Variants in ITPR2 observed in about 807,000 individuals in gnomAD.
ITPR2 encodes the protein inositol 1,4,5-trisphosphate-gated calcium channel ITPR2.
In ITPR2, 207 loss-of-function variants were observed where a neutral mutation model predicts 317.1. That is an observed-to-expected ratio of 0.65 (90% CI 0.58 to 0.73). The LOEUF is 0.73. Ranked by LOEUF, ITPR2 falls within the 30% of genes least tolerant of loss-of-function variation. The pLI, the probability that ITPR2 is intolerant of heterozygous loss-of-function variation, is 0.00. For missense variants in ITPR2, 2,613 were observed against 3,284.0 expected (o/e 0.80, Z 4.99); for synonymous variants, 1,156 against 1,149.1 (o/e 1.01, Z -0.12).
intron 21 of ITPR2, among the ~76,000 whole-genome samples, chr12:26,642,113 C>T (rs143014483): frequency 9.3e-4 from 142 of 152,244 alleles, no homozygotes; most frequent in African/African-American, 2.9e-3. Flanking sequence ...AGGCTTGCTG[C>T]CTAGAGCAGG....
Position 26,602,483 on chromosome 12 carries a change from G to T in ITPR2, c.3565C>A (p.Leu1189Ile). The change falls in exon 28 of 57, where the codon CTA becomes ATA. Residue 1189 changes from leucine (L) to isoleucine (I), a missense_variant. Physicochemically the swap from Leu to Ile is conservative, Grantham distance 5. Coordinates refer to ENST00000381340, the MANE Select transcript of ITPR2 (RefSeq NM_002223.4). ...TTATTCTGCACACAGAGTTTACTTA[G>T]CCTGATCAAAATCTTTAAAAGGAAG... ...YRIVKEILIR[L>I]SKLCVQNKKC... The T allele has an allele frequency of 6.2e-7, 1 of 1,610,274 alleles. No homozygotes were observed. The highest frequency in any genetic ancestry group is 8.5e-7 in the Non-Finnish European group (1 of 1,178,212).
chr12:26,663,069 C>T (rs1379442479), intron 15 of ITPR2, among the ~76,000 whole-genome samples: 2 of 152,198 alleles, frequency 1.3e-5, no homozygotes, highest in Non-Finnish European at 2.9e-5. Context: ...CTGACCTCAG[C>T]AGTTGCAAAT....
intron 55 of ITPR2, among the ~76,000 whole-genome samples, chr12:26,342,640 CTTG>C (rs1336925429): frequency 3.3e-5 from 5 of 152,070 alleles, no homozygotes; most frequent in African/African-American, 9.6e-5. Context: ...GAGTTTCACT[CTTG>C]TTGTTGTCCA....
chr12:26,779,347 C>T (rs1236845633), intron 2 of ITPR2, among the ~76,000 whole-genome samples: 1 of 152,188 alleles, frequency 6.6e-6, no homozygotes, highest in African/African-American at 2.4e-5. Flanking sequence ...CACCATGTGA[C>T]CTGAACTCCC....
At chr12:26,548,014 T>C (rs1195297767) in intron 37 of ITPR2, among the ~76,000 whole-genome samples, 1 of 152,252 alleles carries the variant, frequency 6.6e-6, no homozygotes, top group East Asian at 1.9e-4. Flanking sequence ...TAGCTCTTGC[T>C]GTGTAACCTC....
intron 26 of ITPR2, among the ~76,000 whole-genome samples, chr12:26,608,072 G>T (rs1388480220): frequency 1.3e-5 from 2 of 152,142 alleles, no homozygotes; most frequent in Non-Finnish European, 2.9e-5. Flanking sequence ...AGTGAGCCGA[G>T]ATCGTGCCAC....
intron 32 of ITPR2, among the ~76,000 whole-genome samples, chr12:26,588,956 T>C (rs904457453): frequency 1.3e-5 from 2 of 152,216 alleles, no homozygotes; most frequent in Admixed American, 6.5e-5. Flanking sequence ...GAGGCTAACA[T>C]TGACCATAGT....
At chr12:26,660,074 C>T (rs1467810266) in intron 15 of ITPR2, among the ~76,000 whole-genome samples, 1 of 152,154 alleles carries the variant, frequency 6.6e-6, no homozygotes, top group Non-Finnish European at 1.5e-5. Flanking sequence ...ATTGGAAGAC[C>T]TAAAGGGAAG....
At chr12:26,486,022 A>G (rs1942656154) in intron 41 of ITPR2, 82 bp downstream of exon 41, 1 of 1,479,926 alleles carries the variant, frequency 6.8e-7, no homozygotes, top group African/African-American at 1.4e-5. Context: ...GCTCTCCGAA[A>G]CTACTTGTTG....
intron 52 of ITPR2, among the ~76,000 whole-genome samples, chr12:26,403,161 C>T (rs1940236990): frequency 6.6e-6 from 1 of 152,216 alleles, no homozygotes; most frequent in Middle Eastern, 3.4e-3. Flanking sequence ...AGGCAGATAA[C>T]ACAGGATGAG....
chr12:26,365,644 T>C (rs1333660426), intron 55 of ITPR2, among the ~76,000 whole-genome samples: 1 of 152,232 alleles, frequency 6.6e-6, no homozygotes, highest in Non-Finnish European at 1.5e-5. Context: ...AAATAAACTG[T>C]GGATAATACT....
chr12:26,536,970 G>C (rs541296364), intron 37 of ITPR2, among the ~76,000 whole-genome samples: 1 of 152,336 alleles, frequency 6.6e-6, no homozygotes, highest in Admixed American at 6.5e-5. Context: ...TTCCCCTGGA[G>C]GATGAAGGAG....
chr12:26,546,648 TA>T (rs1944396482), intron 37 of ITPR2, among the ~76,000 whole-genome samples: 1 of 151,924 alleles, frequency 6.6e-6, no homozygotes. Context: ...TAACTTATAA[TA>T]TATTGCAGGG....
chr12:26,722,017 C>T (rs560123662), intron 5 of ITPR2, among the ~76,000 whole-genome samples: 2 of 152,156 alleles, frequency 1.3e-5, no homozygotes, highest in South Asian at 2.1e-4. Flanking sequence ...TCATGAATCA[C>T]GGTGTCACTC....
intron 48 of ITPR2, among the ~76,000 whole-genome samples, chr12:26,430,354 C>T (rs942751595): frequency 1.3e-5 from 2 of 152,222 alleles, no homozygotes; most frequent in Non-Finnish European, 2.9e-5. Flanking sequence ...ACCTCTGCCT[C>T]CCAGGTTCAA....
intron 46 of ITPR2, among the ~76,000 whole-genome samples, chr12:26,442,876 C>T (rs1037451334): frequency 1.3e-5 from 2 of 152,086 alleles, no homozygotes; most frequent in Non-Finnish European, 2.9e-5. Flanking sequence ...GAGTGACAAG[C>T]GTCAACTACT....
intron 9 of ITPR2, among the ~76,000 whole-genome samples, chr12:26,702,491 T>C (rs1473674684): frequency 6.6e-6 from 1 of 150,998 alleles, no homozygotes; most frequent in East Asian, 1.9e-4. Flanking sequence ...CAGGCTGTAG[T>C]GCAGTGGTGC....
chr12:26,732,404 G>A (rs1949042160), intron 2 of ITPR2, among the ~76,000 whole-genome samples: 1 of 152,166 alleles, frequency 6.6e-6, no homozygotes, highest in South Asian at 2.1e-4. Flanking sequence ...ATATGAAGAA[G>A]TTCAACCACA....
intron 1 of ITPR2, among the ~76,000 whole-genome samples, chr12:26,825,532 A>G (rs1252377436): frequency 6.6e-6 from 1 of 152,114 alleles, no homozygotes; most frequent in Admixed American, 6.6e-5. Context: ...AAAAAGTGTC[A>G]TTGTGAAAAG....
Sources: gnomAD v4.1 joint callset for allele counts (sites outside exome capture counted in the v4.1 genomes callset) on GRCh38, gnomAD v4.1.1 for gene constraint, MANE v1.5 for transcripts, NCBI Gene and HGNC (gene_info 2026-07-23, HGNC 2026-07-21) for gene names.